The following MAGI3 variants were observed in gnomAD, a reference collection of about 807,000 sequenced individuals.
MAGI3 encodes the protein membrane-associated guanylate kinase, WW and PDZ domain-containing protein 3.
A neutral mutation model predicts 121.8 loss-of-function variants in MAGI3; 43 were observed. The ratio of observed to expected loss-of-function variants is 0.35; its 90% CI spans 0.28 to 0.46. MAGI3 has a LOEUF of 0.46. MAGI3 is among the 20% of genes least tolerant of loss of function. The probability of loss-of-function intolerance (pLI) is 1.00; values close to 1 mark genes in which losing one functional copy is unlikely to be tolerated. For synonymous variants in MAGI3, 553 were observed against 639.3 expected (o/e 0.86, Z 2.04); for missense variants, 1,547 against 1,797.3 (o/e 0.86, Z 2.52).
At chr1:113,633,776 G>A (rs1303259984) in intron 9 of MAGI3, among the ~76,000 whole-genome samples, 2 of 152,140 alleles carry the variant, frequency 1.3e-5, no homozygotes, top group South Asian at 4.1e-4. Context: ...GGGTCAAATG[G>A]TATTTCTAGT....
At chr1:113,660,711 C>A (rs1204051970) in intron 16 of MAGI3, among the ~76,000 whole-genome samples, 2 of 150,366 alleles carry the variant, frequency 1.3e-5, no homozygotes, top group African/African-American at 2.5e-5. Flanking sequence ...ACCTCCCGGG[C>A]TCAAGTGATC....
chr1:113,532,625 T>C (rs1658779723), intron 1 of MAGI3, among the ~76,000 whole-genome samples: 1 of 152,216 alleles, frequency 6.6e-6, no homozygotes. Context: ...TTTTGCCTAC[T>C]GGTCCCTCTT....
intron 16 of MAGI3, among the ~76,000 whole-genome samples, chr1:113,669,831 A>C (rs576727040): frequency 6.6e-6 from 1 of 152,142 alleles, no homozygotes; most frequent in South Asian, 2.1e-4. Context: ...CGCCCAGCCC[A>C]CCATAGGTTT....
At chr1:113,536,243 T>C (rs1658989037) in intron 1 of MAGI3, among the ~76,000 whole-genome samples, 1 of 152,110 alleles carries the variant, frequency 6.6e-6, no homozygotes, top group Non-Finnish European at 1.5e-5. Flanking sequence ...TAATTATACA[T>C]GTATTTAAAC....
At chr1:113,614,031 A>G (rs898342914) in intron 6 of MAGI3, among the ~76,000 whole-genome samples, 1 of 152,226 alleles carries the variant, frequency 6.6e-6, no homozygotes, top group Non-Finnish European at 1.5e-5. Flanking sequence ...TCACAAATAC[A>G]GATTACACAA....
chr1:113,503,727 T>A (rs1657166381), intron 1 of MAGI3, among the ~76,000 whole-genome samples: 1 of 152,150 alleles, frequency 6.6e-6, no homozygotes, highest in Admixed American at 6.5e-5. Flanking sequence ...TAAATTATTA[T>A]TAAATCTAAT....
At chr1:113,423,783 C>T (rs576755909) in intron 1 of MAGI3, among the ~76,000 whole-genome samples, 3 of 152,116 alleles carry the variant, frequency 2.0e-5, no homozygotes, top group South Asian at 2.1e-4. Context: ...CACCAGGGAC[C>T]GTCCCTTTCC....
Position 113,681,359 on chromosome 1 carries a change from A to G in MAGI3, c.3328+23A>G, listed in dbSNP as rs1267533537. ...ATGGTAAGTAAAGTAGCCCACTAGT[A>G]GCTGAAAAGTTGTATATTAGGGAGG... On this transcript the variant is annotated intron_variant, in intron 20 of 20. Coordinates refer to ENST00000307546, the MANE Select transcript of MAGI3 (RefSeq NM_001142782.2). The G allele has an allele frequency of 4.4e-6, 7 of 1,607,754 alleles. No homozygotes were observed. In the African/African-American group the frequency reaches 8.1e-5, roughly 18 times the overall value.
Position 113,576,153 on chromosome 1 carries a change from A to G in MAGI3, c.434-4389A>G, listed in dbSNP as rs537205889. On this transcript the variant is annotated intron_variant, in intron 2 of 20. Coordinates refer to ENST00000307546, the MANE Select transcript of MAGI3 (RefSeq NM_001142782.2). ...CTGTGGGAGTGGGACCCACTGACCA[A>G]GACCACTTGGCTCCCTGGCTTCAGC... is the stretch of plus-strand genomic sequence containing the variant. Among the ~76,000 whole-genome samples the G allele has an allele frequency of 2.6e-5, 4 of 152,322 alleles. No homozygotes were observed. The East Asian group carries it at 7.7e-4, about 29-fold the overall frequency.
At chr1:113,616,418 T>A (rs944259106) in intron 7 of MAGI3, among the ~76,000 whole-genome samples, 12 of 152,156 alleles carry the variant, frequency 7.9e-5, no homozygotes, top group African/African-American at 2.9e-4. Flanking sequence ...TAATCTGCAG[T>A]GAGTTTACTG....
intron 1 of MAGI3, among the ~76,000 whole-genome samples, chr1:113,508,906 A>T (rs373401974): frequency 1.3e-5 from 2 of 152,310 alleles, no homozygotes; most frequent in South Asian, 4.1e-4. Context: ...TTATGCATAA[A>T]TTATCTGGAG....
intron 1 of MAGI3, among the ~76,000 whole-genome samples, chr1:113,547,257 T>C (rs1256049843): frequency 6.6e-6 from 1 of 152,004 alleles, no homozygotes. Flanking sequence ...TAGTTATCTT[T>C]GTACGTTATA....
At chr1:113,562,177 G>A (rs1440089926) in intron 2 of MAGI3, among the ~76,000 whole-genome samples, 4 of 152,188 alleles carry the variant, frequency 2.6e-5, no homozygotes, top group Non-Finnish European at 5.9e-5. Context: ...AGGCCAAGGC[G>A]GGCAGATCAC....
intron 9 of MAGI3, among the ~76,000 whole-genome samples, chr1:113,626,286 AC>A (rs1048209182): frequency 1.3e-5 from 2 of 152,198 alleles, no homozygotes; most frequent in African/African-American, 4.8e-5. Flanking sequence ...CATATATTGT[AC>A]CATCCTTGCA....
intron 9 of MAGI3, among the ~76,000 whole-genome samples, chr1:113,639,197 A>G (rs533273704): frequency 2.0e-5 from 3 of 152,314 alleles, no homozygotes; most frequent in African/African-American, 7.2e-5. Context: ...GAGTGAGGCA[A>G]TGCCTCGCCC....
chr1:113,406,160 C>T (rs1032935863), intron 1 of MAGI3, among the ~76,000 whole-genome samples: 2 of 151,058 alleles, frequency 1.3e-5, no homozygotes, highest in African/African-American at 2.4e-5. Context: ...AATAGTGGGC[C>T]GGACATGATG....
At position 113,611,088 on chromosome 1, in the gene MAGI3, C is replaced by CTT. The variant is rs139111390; in HGVS notation, c.1019-3498_1019-3497dup. Among the ~76,000 whole-genome samples, 449 of 137,184 alleles carry CTT rather than the reference C, an allele frequency of 3.3e-3. 2 individuals are homozygous for CTT. Among genetic ancestry groups the CTT allele is most frequent in the Non-Finnish European group, 5.2e-3 (333 of 63,444 alleles). The allele number at this position is 137,184 out of a possible 152,430, so 90.0% of individuals were successfully genotyped here. ...TCCCACAGCCATTTTCATAATTATT[C>CTT]TTTTTTTTTTTTTTTTGAGACAGAC... On this transcript the variant is annotated intron_variant, in intron 6 of 20. Coordinates refer to ENST00000307546, the MANE Select transcript of MAGI3 (RefSeq NM_001142782.2).
chr1:113,552,697 G>A (rs1474820682), intron 2 of MAGI3, among the ~76,000 whole-genome samples: 3 of 151,902 alleles, frequency 2.0e-5, no homozygotes, highest in Non-Finnish European at 4.4e-5. Flanking sequence ...AATTTATTTT[G>A]TTTCATTTCA....
At chr1:113,680,585 A>G (rs904928652) in intron 19 of MAGI3, among the ~76,000 whole-genome samples, 12 of 151,936 alleles carry the variant, frequency 7.9e-5, no homozygotes, top group East Asian at 2.0e-4. Context: ...GTGAAACCCC[A>G]TCTCTACTAA....
Sources: allele counts gnomAD v4.1 joint callset (sites outside exome capture counted in the v4.1 genomes callset), GRCh38; gene constraint gnomAD v4.1.1; transcripts MANE v1.5; gene names NCBI Gene and HGNC (gene_info 2026-07-23, HGNC 2026-07-21).